SLC6A16: variants seen among roughly 807,000 people sequenced by gnomAD.
SLC6A16 encodes orphan sodium- and chloride-dependent neurotransmitter transporter NTT5.
Under a neutral mutation model 65.4 loss-of-function variants are expected in SLC6A16, and 54 were observed. The ratio of observed to expected loss-of-function variants is 0.83; its 90% confidence interval spans 0.66 to 1.04. The LOEUF (loss-of-function observed/expected upper bound fraction) is 1.04, where lower values mean the gene tolerates loss of function less well. Among genes scored for constraint, SLC6A16 ranks in the 50% least tolerant of loss-of-function variants. The probability of loss-of-function intolerance (pLI) is 0.00; values close to 1 mark genes in which losing one functional copy is unlikely to be tolerated. For missense variants in SLC6A16, 816 were observed against 914.0 expected, an observed-to-expected ratio of 0.89 and a Z score of 1.38; for synonymous variants, 330 against 346.5, an observed-to-expected ratio of 0.95 and a Z score of 0.53.
At chr19:49,339,364 ACAACCTT>A in the SLC6A16 span, 9 of 1,614,058 alleles carry the variant, frequency 5.6e-6, no homozygotes, top group African/African-American at 1.3e-5. The surrounding 1 kb of genome is among the most constrained non-coding windows in gnomAD (Gnocchi z 4.5). Context: ...TGGCTGCACA[ACAACCTT>A]ATTTCCATAG....
At chr19:49,311,497 G>A (rs962121814) in intron 1 of SLC6A16, 86 bp from the exon 2 acceptor site, 2 of 741,834 alleles carry the variant, frequency 2.7e-6, no homozygotes, top group Non-Finnish European at 4.1e-6. Context: ...TCTCCTTAAA[G>A]CAAATTTTAT....
chr19:49,307,656 C>T (rs984575227), intron 7 of SLC6A16, among the ~76,000 whole-genome samples: 1 of 104,982 alleles, frequency 9.5e-6, no homozygotes, highest in Non-Finnish European at 1.8e-5. Flanking sequence ...TATAGTGGGA[C>T]CCTGTTCTCA....
chr19:49,311,341 T>A lies in SLC6A16; in HGVS notation c.7A>T (p.Thr3Ser), dbSNP rs1207628908. ...AAGGATGTCGAAGGCTGGGCCTCTG[T>A]CTTCATCTCACACAGACTCTCTGGG... MKTEAQPSTSLLA... is the reference protein window; with the variant it reads MKSEAQPSTSLLA... Residue 3 changes from threonine (T) to serine (S), a missense_variant, in exon 2 of 12, where the codon ACA (threonine) becomes TCA (serine). Physicochemically the swap from Thr to Ser is moderately conservative, Grantham distance 58 (BLOSUM62 1). Coordinates refer to ENST00000335875, the MANE Select transcript of SLC6A16 (RefSeq NM_014037.3). The A allele has an allele frequency of 6.3e-7, 1 of 1,578,326 alleles. No homozygotes were observed. The highest frequency in any genetic ancestry group is 1.4e-5 in the African/African-American group (1 of 73,972).
At chr19:49,293,778 G>C (rs758699811) in intron 9 of SLC6A16, 49 bp downstream of exon 9, 9 of 1,515,298 alleles carry the variant, frequency 5.9e-6, no homozygotes, top group Non-Finnish European at 8.2e-6. Context: ...AGTCCCAGTG[G>C]TGTCAGGGGT....
At chr19:49,317,223 C>T (rs1309837115) in intron 1 of SLC6A16, among the ~76,000 whole-genome samples, 2 of 151,908 alleles carry the variant, frequency 1.3e-5, no homozygotes, top group African/African-American at 4.8e-5. Context: ...CACCTGTAGC[C>T]CCAGCTACTC....
intron 1 of SLC6A16, among the ~76,000 whole-genome samples, chr19:49,321,209 T>A (rs980593456): frequency 6.6e-6 from 1 of 151,460 alleles, no homozygotes; most frequent in African/African-American, 2.4e-5. Context: ...TGGTTCTGCA[T>A]ACAAAAATCA....
intron 1 of SLC6A16, among the ~76,000 whole-genome samples, chr19:49,317,556 T>C (rs867384512): frequency 6.6e-5 from 10 of 151,922 alleles, no homozygotes; most frequent in Non-Finnish European, 1.2e-4. Flanking sequence ...CCTGTAATCC[T>C]AGCACTTTAG....
At chr19:49,299,814 G>C (rs1183260181) in intron 7 of SLC6A16, among the ~76,000 whole-genome samples, 3 of 151,886 alleles carry the variant, frequency 2.0e-5, no homozygotes, top group African/African-American at 7.3e-5. Context: ...CCTGAGGTCA[G>C]GAGTTCAAGA....
intron 7 of SLC6A16, among the ~76,000 whole-genome samples, chr19:49,301,460 G>T (rs556764455): frequency 4.6e-5 from 7 of 152,302 alleles, no homozygotes; most frequent in Non-Finnish European, 1.0e-4. Flanking sequence ...CTAGTGGCCT[G>T]CTCAACACGG....
chr19:49,310,576 C>T, intron 2 of SLC6A16, 66 bp from the exon 3 acceptor site: 4 of 1,562,580 alleles, frequency 2.6e-6, no homozygotes, highest in South Asian at 2.3e-5. Context: ...ACTCCAGGAG[C>T]CCAGGAAAAC....
intron 7 of SLC6A16, among the ~76,000 whole-genome samples, chr19:49,296,383 T>G (rs922446540): frequency 1.3e-5 from 2 of 152,192 alleles, no homozygotes; most frequent in African/African-American, 2.4e-5. Flanking sequence ...ACTCATACAA[T>G]CTGATTTTAA....
chr19:49,339,903 C>G, the SLC6A16 span: 4 of 1,349,568 alleles, frequency 3.0e-6, no homozygotes, highest in South Asian at 1.5e-5. This position sits in a 1 kb window ranked among gnomAD's most constrained non-coding sequence, Gnocchi z 4.5. Context: ...GGGTTCAAGA[C>G]GAGGACCAGC....
At chr19:49,297,153 T>G (rs1391805711) in intron 7 of SLC6A16, among the ~76,000 whole-genome samples, 1 of 152,068 alleles carries the variant, frequency 6.6e-6, no homozygotes, top group African/African-American at 2.4e-5. Context: ...AGATATAATA[T>G]CCACAATATG....
chr19:49,307,103 C>G (rs1421583199), intron 7 of SLC6A16, among the ~76,000 whole-genome samples: 1 of 144,530 alleles, frequency 6.9e-6, no homozygotes, highest in Non-Finnish European at 1.5e-5. Context: ...ATTTCAAACT[C>G]CTGGGTTCAA....
At chr19:49,325,237 C>T (rs1970781433), upstream of SLC6A16, 8 of 985,432 alleles carry the variant, frequency 8.1e-6, no homozygotes, top group South Asian at 4.7e-5. Context: ...CATGCGCCGC[C>T]GCGCCCCCTC....
intron 7 of SLC6A16, chr19:49,306,077 T>C (rs1970379409): frequency 6.6e-6 from 1 of 152,100 alleles, no homozygotes; most frequent in South Asian, 2.1e-4. Context: ...GGCGGGCGGA[T>C]CACGAGGTCA....
the SLC6A16 span, among the ~76,000 whole-genome samples, chr19:49,330,934 A>C: frequency 7.0e-6 from 1 of 141,934 alleles, no homozygotes; most frequent in Non-Finnish European, 1.5e-5. Flanking sequence ...AGAGTGAGAC[A>C]AAAAAAAAAC....
chr19:49,314,062 C>T (rs1220248346), intron 1 of SLC6A16, among the ~76,000 whole-genome samples: 1 of 150,794 alleles, frequency 6.6e-6, no homozygotes. Flanking sequence ...CGCCACTACA[C>T]TCCAGCCTGG....
chr19:49,300,642 A>C (rs1264655446), intron 7 of SLC6A16, among the ~76,000 whole-genome samples: 1 of 152,224 alleles, frequency 6.6e-6, no homozygotes, highest in Non-Finnish European at 1.5e-5. Context: ...CAGGAGAAAC[A>C]AATAGCAAAG....
Sources: allele counts gnomAD v4.1 joint callset (sites outside exome capture counted in the v4.1 genomes callset), GRCh38; gene constraint gnomAD v4.1.1; non-coding constraint Gnocchi (gnomAD v3.1); transcripts MANE v1.5; gene names NCBI Gene and HGNC (gene_info 2026-07-23, HGNC 2026-07-21).